ATG4B: variants seen among roughly 807,000 people sequenced by gnomAD.
The protein encoded by ATG4B is autophagy related 4B cysteine peptidase, also known as cysteine protease ATG4B.
In ATG4B, 29 loss-of-function variants were observed where a neutral mutation model predicts 56.6. The observed-to-expected ratio is 0.51, with a 90% CI of 0.38 to 0.70. The LOEUF is 0.70. ATG4B is among the 30% of genes least tolerant of loss of function. ATG4B has a pLI of 0.00. For synonymous variants in ATG4B, 224 were observed against 206.1 expected, an observed-to-expected ratio of 1.09 and a Z score of -0.74; for missense variants, 461 against 515.5, an observed-to-expected ratio of 0.89 and a Z score of 1.02.
chr2:241,666,768 C>A lies in ATG4B; in HGVS notation c.662C>A (p.Pro221His). The change falls in exon 8 of 13, where the codon CCC (proline) becomes CAC (histidine). Residue 221 changes from proline to histidine, a missense_variant. By Grantham distance (77) the Pro-to-His change is moderately conservative (BLOSUM62 -2). Coordinates refer to ENST00000404914, the MANE Select transcript of ATG4B (RefSeq NM_013325.5). ...EVTNRPSPWR[P>H]LVLLIPLRLG... The stretch of plus-strand genomic sequence containing the variant: ...ACCAACAGGCCGTCGCCATGGAGAC[C>A]CCTGGTACTTCTCATTCCCCTGCGC... The A allele has an allele frequency of 6.3e-7, 1 of 1,598,878 alleles. No homozygotes were observed. Among genetic ancestry groups the A allele is most frequent in the Non-Finnish European group, 8.5e-7 (1 of 1,172,722 alleles).
chr2:241,660,940 C>T (rs1028055541), intron 7 of ATG4B, among the ~76,000 whole-genome samples: 1 of 152,184 alleles, frequency 6.6e-6, no homozygotes, highest in African/African-American at 2.4e-5. Context: ...GCCAGGAAGG[C>T]GCAAGGGTCA....
At chr2:241,663,376 G>A (rs1256895170) in intron 7 of ATG4B, among the ~76,000 whole-genome samples, 2 of 152,222 alleles carry the variant, frequency 1.3e-5, no homozygotes, top group African/African-American at 2.4e-5. Flanking sequence ...CCTAGATTGT[G>A]ACAGCAGAGT....
chr2:241,664,895 C>T (rs1465270180), intron 7 of ATG4B, among the ~76,000 whole-genome samples: 5 of 151,954 alleles, frequency 3.3e-5, no homozygotes, highest in South Asian at 2.1e-4. Flanking sequence ...GCCCAGAAGG[C>T]GGAGGTTGCA....
In ATG4B at chr2:241,650,613, A is replaced by G. The variant is rs189588902; in HGVS notation, c.11-397A>G. Reference sequence around the variant, plus strand: ...ACTTTATTTTTGTCCTTTACTTTTTAAGTCTAAAGTAAGTGCTTGAATCGG... The same window carrying G: ...ACTTTATTTTTGTCCTTTACTTTTTGAGTCTAAAGTAAGTGCTTGAATCGG... On this transcript the variant is annotated intron_variant, in intron 1 of 12. Transcript: ENST00000404914. Among the ~76,000 whole-genome samples, 3 of 152,124 alleles carry G rather than the reference A, an allele frequency of 2.0e-5. No individual in the cohort carries two copies. In the East Asian group the frequency reaches 5.8e-4, roughly 29 times the overall value.
chr2:241,655,483 G>T (rs757203751), intron 6 of ATG4B, 140 bp downstream of exon 6: 1 of 825,746 alleles, frequency 1.2e-6, no homozygotes, highest in African/African-American at 1.7e-5. Flanking sequence ...GTTTCTCAGC[G>T]ATGACTGTGT....
At chr2:241,656,505 T>C (rs34191215) in intron 6 of ATG4B, among the ~76,000 whole-genome samples, 74,302 of 151,938 alleles carry the variant, frequency 0.49, 18,281 homozygotes, top group East Asian at 0.61. Context: ...AAGTCAGCGC[T>C]GTTTCTCTGG....
Position 241,668,237 on chromosome 2 carries a change from C to A in ATG4B, c.811+16C>A. The A allele has an allele frequency of 6.3e-7, 1 of 1,584,730 alleles. No individual in the cohort carries two copies. The highest frequency in any genetic ancestry group is 1.8e-5 in the Admixed American group (1 of 55,934). Reference sequence around the variant, plus strand: ...GGCTACGTTGGTGAGTCCAGGGTTCCCACCGTGTCCCTGTGGGCCTGGGCC... The same window carrying A: ...GGCTACGTTGGTGAGTCCAGGGTTCACACCGTGTCCCTGTGGGCCTGGGCC... On this transcript the variant is annotated intron_variant, in intron 9 of 12. Transcript: ENST00000404914. This position sits in a 1 kb window ranked among gnomAD's most constrained non-coding sequence, Gnocchi z 4.2.
intron 6 of ATG4B, among the ~76,000 whole-genome samples, chr2:241,658,398 C>A (rs868522758): frequency 2.6e-5 from 4 of 152,074 alleles, no homozygotes; most frequent in African/African-American, 9.7e-5. Context: ...TCACCCCAGT[C>A]CCCTGCTCCA....
chr2:241,653,225 C>T (rs567500720), intron 3 of ATG4B: 47 of 989,728 alleles, frequency 4.7e-5, no homozygotes, highest in Admixed American at 1.2e-4. Flanking sequence ...GGATGACTTA[C>T]GGGGGTCAGT....
intron 1 of ATG4B, 61 bp downstream of exon 1, chr2:241,637,785 C>T: frequency 2.0e-6 from 3 of 1,504,970 alleles, no homozygotes; most frequent in South Asian, 1.3e-5. Flanking sequence ...ATTGGCCTCC[C>T]CTGCTCGGGT....
chr2:241,655,227 C>A, intron 5 of ATG4B, 44 bp from the exon 6 acceptor site: 13 of 1,575,228 alleles, frequency 8.3e-6, no homozygotes, highest in Non-Finnish European at 1.0e-5. Context: ...GAGGTCAGGG[C>A]TGGGGGCGGG....
Position 241,668,270 on chromosome 2 carries a change from G to A in ATG4B, c.811+49G>A. On this transcript the variant is annotated intron_variant, in intron 9 of 12. Transcript: ENST00000404914. The surrounding 1 kb of genome is among the most constrained non-coding windows in gnomAD (Gnocchi z 4.2). ...TCCCTGTGGGCCTGGGCCTTTTAAG[G>A]GCATTCCATGAGCAGGTACCACACC... 6.5e-7 allele frequency: 1 copy of A among 1,548,192 alleles called. No homozygotes were observed. The highest frequency in any genetic ancestry group is 8.8e-7 in the Non-Finnish European group (1 of 1,142,672).
At chr2:241,643,886 G>A (rs1044098785) in intron 1 of ATG4B, among the ~76,000 whole-genome samples, 1 of 152,048 alleles carries the variant, frequency 6.6e-6, no homozygotes, top group Admixed American at 6.5e-5. Context: ...TCCGAAGTTT[G>A]ACTCCTTTTC....
chr2:241,670,481 G>A (rs961213600), intron 10 of ATG4B: 3 of 585,966 alleles, frequency 5.1e-6, no homozygotes, highest in African/African-American at 1.9e-5. Flanking sequence ...GTAACATCTC[G>A]TGGGCGAATC....
At chr2:241,669,296 G>T (rs139410777) in intron 10 of ATG4B, among the ~76,000 whole-genome samples, 1 of 152,188 alleles carries the variant, frequency 6.6e-6, no homozygotes. Context: ...CATGAATGAC[G>T]GTGACATGCT....
intron 1 of ATG4B, among the ~76,000 whole-genome samples, chr2:241,639,931 C>T (rs745578241): frequency 2.6e-5 from 4 of 152,204 alleles, no homozygotes; most frequent in Admixed American, 6.5e-5. Flanking sequence ...ATCCGAGACT[C>T]GTCGCTTGGC....
Position 241,668,365 on chromosome 2 carries a change from G to A in ATG4B, c.811+144G>A. The A allele has an allele frequency of 7.4e-7, 1 of 1,360,064 alleles. No homozygotes were observed. Among genetic ancestry groups the A allele is most frequent in the Non-Finnish European group, 1.0e-6 (1 of 979,824 alleles). The allele number at this position is 1,360,064 out of a possible 1,614,324, so 84.2% of individuals were successfully genotyped here. On this transcript the variant is annotated intron_variant, in intron 9 of 12. Transcript: ENST00000404914. The surrounding 1 kb of genome is among the most constrained non-coding windows in gnomAD (Gnocchi z 4.2). ...GGGGTTCATTTTCAGCCTGGTCGCG[G>A]GCGGCCTCCTGTGTGCCCCTTTCCC...
intron 5 of ATG4B, chr2:241,654,997 A>C (rs2068351031): frequency 3.5e-6 from 2 of 577,564 alleles, no homozygotes; most frequent in African/African-American, 3.7e-5. Context: ...CCTTTCTTGC[A>C]AGCAAGGCCG....
intron 3 of ATG4B, chr2:241,652,048 T>C: frequency 8.9e-7 from 1 of 1,124,406 alleles, no homozygotes; most frequent in Non-Finnish European, 1.2e-6. Flanking sequence ...GGTGGTTTCA[T>C]TCTTTATCCT....
Sources: gnomAD v4.1 joint callset for allele counts (sites outside exome capture counted in the v4.1 genomes callset) on GRCh38, gnomAD v4.1.1 for gene constraint, Gnocchi (gnomAD v3.1) non-coding constraint, MANE v1.5 for transcripts, NCBI Gene and HGNC (gene_info 2026-07-23, HGNC 2026-07-21) for gene names.